Variants in DTNBP1 observed in about 807,000 individuals in gnomAD.
DTNBP1 encodes dysbindin.
A neutral mutation model predicts 42.8 loss-of-function variants in DTNBP1; 35 were observed. That is an observed-to-expected ratio of 0.82 (90% CI 0.63 to 1.09). DTNBP1 has a LOEUF of 1.09. Among genes scored for constraint, DTNBP1 ranks in the 50% least tolerant of loss-of-function variants. The probability of loss-of-function intolerance (pLI) is 0.00; values close to 1 mark genes in which losing one functional copy is unlikely to be tolerated. For synonymous variants in DTNBP1, 171 were observed against 162.2 expected, an observed-to-expected ratio of 1.05 and a Z score of -0.41; for missense variants, 457 against 424.2, an observed-to-expected ratio of 1.08 and a Z score of -0.68.
intron 4 of DTNBP1, among the ~76,000 whole-genome samples, chr6:15,630,075 C>T (rs1759597160): frequency 6.6e-6 from 1 of 152,058 alleles, no homozygotes; most frequent in South Asian, 2.1e-4. Context: ...GCAAGACAAA[C>T]CCATAGTGCT....
intron 6 of DTNBP1, among the ~76,000 whole-genome samples, chr6:15,609,815 G>A (rs146200868): frequency 1.3e-5 from 2 of 152,318 alleles, no homozygotes; most frequent in East Asian, 3.9e-4. Context: ...CAGAGTGTGG[G>A]CTCAGCATCA....
At chr6:15,624,502 A>G (rs1193962248) in intron 5 of DTNBP1, among the ~76,000 whole-genome samples, 1 of 152,222 alleles carries the variant, frequency 6.6e-6, no homozygotes, top group East Asian at 1.9e-4. Flanking sequence ...AGCTAAAAGC[A>G]TCATCAAAAG....
chr6:15,652,016 C>T lies in DTNBP1; in HGVS notation c.110+71G>A, dbSNP rs1027227520. ...TCTAAGGTTCATTAATATAACTACA[C>T]AATTGTGAATACACCAAAAGTTGTA... On this transcript the variant is annotated intron_variant, in intron 2 of 9. Coordinates refer to ENST00000344537, the MANE Select transcript of DTNBP1 (RefSeq NM_032122.5). The T allele has an allele frequency of 1.2e-5, 16 of 1,341,424 alleles. No homozygotes were observed. In the African/African-American group the frequency reaches 1.9e-4, roughly 16 times the overall value. The allele number at this position is 1,341,424 out of a possible 1,614,324, so 83.1% of individuals were successfully genotyped here. A position where few individuals can be genotyped will look rare whatever the true frequency, so the allele number is the denominator to read the frequency against.
chr6:15,583,427 A>G (rs1775923706), intron 7 of DTNBP1, among the ~76,000 whole-genome samples: 1 of 152,152 alleles, frequency 6.6e-6, no homozygotes, highest in Admixed American at 6.5e-5. Context: ...GCAACTACCA[A>G]TCTTCTGAGA....
intron 8 of DTNBP1, among the ~76,000 whole-genome samples, chr6:15,529,896 G>A (rs1170976037): frequency 6.6e-6 from 1 of 152,222 alleles, no homozygotes; most frequent in Non-Finnish European, 1.5e-5. Flanking sequence ...ATGTGGTGGG[G>A]CCCAGGCCCC....
chr6:15,570,861 C>A (rs1775309639), intron 7 of DTNBP1, among the ~76,000 whole-genome samples: 1 of 151,866 alleles, frequency 6.6e-6, no homozygotes, highest in African/African-American at 2.4e-5. Flanking sequence ...AAATAAAGAC[C>A]AATTCAAAAC....
chr6:15,535,730 G>C (rs1473594304), intron 7 of DTNBP1, among the ~76,000 whole-genome samples: 1 of 152,206 alleles, frequency 6.6e-6, no homozygotes, highest in Non-Finnish European at 1.5e-5. Flanking sequence ...TTTGGAACTG[G>C]GTTACGGGTA....
intron 3 of DTNBP1, among the ~76,000 whole-genome samples, chr6:15,650,999 C>A (rs562392923): frequency 6.6e-6 from 1 of 151,960 alleles, no homozygotes; most frequent in East Asian, 1.9e-4. Context: ...ACATAAGAAT[C>A]AAAGCAAAAA....
Position 15,662,874 on chromosome 6 carries a change from G to A in DTNBP1, c.-5C>T. 1 of 1,604,036 alleles carries A rather than the reference G, an allele frequency of 6.2e-7. No individual in the cohort carries two copies. The highest frequency in any genetic ancestry group is 8.5e-7 in the Non-Finnish European group (1 of 1,179,342). Reference sequence around the variant, plus strand: ...CTCGCGAAGGGTCTCCAGCATTGCCGCCGCCGCCGGTCTCCTCTCCTCAGG... The same window carrying A: ...CTCGCGAAGGGTCTCCAGCATTGCCACCGCCGCCGGTCTCCTCTCCTCAGG... On this transcript the variant is annotated 5_prime_UTR_variant, in exon 1 of 10. Coordinates refer to ENST00000344537, the MANE Select transcript of DTNBP1 (RefSeq NM_032122.5).
intron 7 of DTNBP1, among the ~76,000 whole-genome samples, chr6:15,581,012 T>C (rs1480977669): frequency 1.3e-5 from 2 of 152,268 alleles, no homozygotes; most frequent in East Asian, 1.9e-4. Context: ...TCTGAAGCCT[T>C]AGAAGGTTGG....
chr6:15,659,991 C>T (rs1490203411), intron 1 of DTNBP1, among the ~76,000 whole-genome samples: 1 of 152,106 alleles, frequency 6.6e-6, no homozygotes, highest in Non-Finnish European at 1.5e-5. Flanking sequence ...CTTTAACAGT[C>T]GTCTGTTTTA....
intron 8 of DTNBP1, among the ~76,000 whole-genome samples, chr6:15,530,261 C>G (rs1051852284): frequency 6.6e-6 from 1 of 152,172 alleles, no homozygotes; most frequent in Non-Finnish European, 1.5e-5. Context: ...AAGTCTGAGC[C>G]GGCTCTGCAC....
At chr6:15,577,577 C>A (rs1384277482) in intron 7 of DTNBP1, among the ~76,000 whole-genome samples, 2 of 152,190 alleles carry the variant, frequency 1.3e-5, no homozygotes, top group African/African-American at 4.8e-5. Context: ...ACAGCGCTAT[C>A]ATCTAATGAA....
intron 5 of DTNBP1, among the ~76,000 whole-genome samples, chr6:15,618,515 C>G (rs1178159732): frequency 6.6e-6 from 1 of 150,432 alleles, no homozygotes; most frequent in African/African-American, 2.4e-5. Context: ...ACATGTACCC[C>G]CTTACCCCCT....
chr6:15,611,257 T>C (rs1758380749), intron 6 of DTNBP1, among the ~76,000 whole-genome samples: 1 of 152,182 alleles, frequency 6.6e-6, no homozygotes, highest in Admixed American at 6.5e-5. Flanking sequence ...CAACAAAGCC[T>C]GGGTGAAAGC....
intron 3 of DTNBP1, among the ~76,000 whole-genome samples, chr6:15,647,220 A>G (rs977081119): frequency 2.6e-5 from 4 of 151,962 alleles, no homozygotes; most frequent in Non-Finnish European, 4.4e-5. Flanking sequence ...ATGAAGACAT[A>G]TAAGAAGCCA....
chr6:15,541,567 C>T (rs888380234), intron 7 of DTNBP1, among the ~76,000 whole-genome samples: 5 of 152,158 alleles, frequency 3.3e-5, no homozygotes, highest in South Asian at 2.1e-4. Context: ...AGTTTTTCTA[C>T]GACGAGTCAA....
intron 7 of DTNBP1, among the ~76,000 whole-genome samples, chr6:15,551,780 T>G (rs1338784420): frequency 2.0e-5 from 3 of 152,210 alleles, no homozygotes; most frequent in Non-Finnish European, 4.4e-5. Flanking sequence ...GGCAACAGTC[T>G]GATGAAGGTA....
At chr6:15,594,321 C>T (rs1024560489) in intron 6 of DTNBP1, among the ~76,000 whole-genome samples, 2 of 151,708 alleles carry the variant, frequency 1.3e-5, no homozygotes, top group African/African-American at 2.4e-5. Context: ...AAAAATTAGC[C>T]GGGTGTGGTG....
Sources: gnomAD v4.1 joint callset for allele counts (sites outside exome capture counted in the v4.1 genomes callset) on GRCh38, gnomAD v4.1.1 for gene constraint, MANE v1.5 for transcripts, NCBI Gene and HGNC (gene_info 2026-07-23, HGNC 2026-07-21) for gene names.